KDM4C: variants seen among roughly 807,000 people sequenced by gnomAD.
The protein encoded by KDM4C is lysine-specific demethylase 4C.
In KDM4C, 81 loss-of-function variants were observed where a neutral mutation model predicts 129.3. The observed-to-expected ratio is 0.63, with a 90% CI of 0.52 to 0.75. KDM4C has a LOEUF of 0.75. Ranked by LOEUF, KDM4C falls within the 30% of genes least tolerant of loss-of-function variation. The probability of loss-of-function intolerance (pLI) is 0.00; values close to 1 mark genes in which losing one functional copy is unlikely to be tolerated. For missense variants in KDM4C, 1,457 were observed against 1,304.0 expected (o/e 1.12, Z -1.81); for synonymous variants, 573 against 456.1 (o/e 1.26, Z -3.26).
chr9:7,144,203 G>A (rs1037170319), intron 19 of KDM4C, among the ~76,000 whole-genome samples: 5 of 151,212 alleles, frequency 3.3e-5, no homozygotes, highest in Admixed American at 6.6e-5. Flanking sequence ...CGCTCACCTC[G>A]GCCTCCCAAA....
intron 1 of KDM4C, among the ~76,000 whole-genome samples, chr9:6,788,855 G>T (rs993465174): frequency 6.6e-6 from 1 of 152,184 alleles, no homozygotes; most frequent in Non-Finnish European, 1.5e-5. Flanking sequence ...TCAGGGGTGT[G>T]CAGGAGTTTG....
At chr9:6,860,820 T>C (rs1440458423) in intron 5 of KDM4C, among the ~76,000 whole-genome samples, 1 of 152,222 alleles carries the variant, frequency 6.6e-6, no homozygotes, top group Non-Finnish European at 1.5e-5. Flanking sequence ...ATTGTGTTTC[T>C]CTAGATTGAG....
intron 15 of KDM4C, among the ~76,000 whole-genome samples, chr9:7,023,730 A>T (rs1825288715): frequency 6.6e-6 from 1 of 151,762 alleles, no homozygotes; most frequent in Admixed American, 6.6e-5. Context: ...TAGGTTGTTT[A>T]TTTGAAGTTT....
At chr9:6,801,935 T>C (rs1420318542) in intron 2 of KDM4C, among the ~76,000 whole-genome samples, 1 of 151,744 alleles carries the variant, frequency 6.6e-6, no homozygotes, top group African/African-American at 2.4e-5. Context: ...TGAAACCCTG[T>C]CTCTACAAAA....
intron 19 of KDM4C, among the ~76,000 whole-genome samples, chr9:7,160,938 G>C (rs753771001): frequency 4.6e-5 from 7 of 152,188 alleles, no homozygotes; most frequent in Non-Finnish European, 7.3e-5. Context: ...TGCCCACAGA[G>C]CTGGAGTCTA....
intron 17 of KDM4C, among the ~76,000 whole-genome samples, chr9:7,075,289 A>G (rs1026761763): frequency 1.3e-5 from 2 of 152,088 alleles, no homozygotes; most frequent in African/African-American, 2.4e-5. Context: ...TTGAAGTTCA[A>G]CTGTCCTGTT....
Position 6,852,230 on chromosome 9 carries a change from G to A in KDM4C, c.629+2530G>A, listed in dbSNP as rs143789652. ...TTAGCAATCCTTATAATATATTTGAGGTGAGCTTTGAAAGATGTTAGAAGC... is the reference window on the plus strand; with the variant it reads ...TTAGCAATCCTTATAATATATTTGAAGTGAGCTTTGAAAGATGTTAGAAGC... On this transcript the variant is annotated intron_variant, in intron 5 of 21. Coordinates refer to ENST00000381309, the MANE Select transcript of KDM4C (RefSeq NM_015061.6). 2.0e-4 allele frequency among the ~76,000 whole-genome samples: 31 copies of A among 152,210 alleles called. No individual in the cohort carries two copies. The East Asian group carries it at 5.6e-3, about 27-fold the overall frequency.
intron 17 of KDM4C, among the ~76,000 whole-genome samples, chr9:7,059,476 G>T (rs1418096381): frequency 6.6e-6 from 1 of 152,174 alleles, no homozygotes; most frequent in African/African-American, 2.4e-5. Context: ...TGTTACAAAT[G>T]CCTGATAGAC....
At chr9:6,865,659 C>T (rs1214953975) in intron 5 of KDM4C, among the ~76,000 whole-genome samples, 2 of 152,194 alleles carry the variant, frequency 1.3e-5, no homozygotes, top group Non-Finnish European at 2.9e-5. Flanking sequence ...CTCCGCCTCC[C>T]AGTTTCAAGC....
intron 8 of KDM4C, among the ~76,000 whole-genome samples, chr9:6,977,673 G>C (rs779664837): frequency 2.0e-5 from 3 of 152,002 alleles, no homozygotes; most frequent in Non-Finnish European, 4.4e-5. Flanking sequence ...TCATCTGCTG[G>C]GCCTCCAGTT....
intron 5 of KDM4C, among the ~76,000 whole-genome samples, chr9:6,877,294 G>C (rs930229884): frequency 6.6e-6 from 1 of 152,192 alleles, no homozygotes; most frequent in Non-Finnish European, 1.5e-5. Flanking sequence ...TCCACCTCCT[G>C]GCTTCACGCC....
At chr9:6,747,575 C>A (rs1251853261) in intron 1 of KDM4C, among the ~76,000 whole-genome samples, 3 of 149,468 alleles carry the variant, frequency 2.0e-5, no homozygotes, top group African/African-American at 7.4e-5. Flanking sequence ...TAGAAATACA[C>A]ATTATCTTAG....
At chr9:7,096,049 GT>G (rs769304834) in intron 17 of KDM4C, among the ~76,000 whole-genome samples, 14 of 152,146 alleles carry the variant, frequency 9.2e-5, no homozygotes, top group Non-Finnish European at 1.9e-4. Flanking sequence ...AAGATGTTTG[GT>G]GGCACTTAAT....
chr9:6,903,268 TTTG>T (rs1157501303), intron 8 of KDM4C, among the ~76,000 whole-genome samples: 1 of 152,202 alleles, frequency 6.6e-6, no homozygotes, highest in Non-Finnish European at 1.5e-5. Flanking sequence ...AGATGACTGT[TTTG>T]TTGATTATTG....
At chr9:6,945,835 C>A (rs151145495) in intron 8 of KDM4C, among the ~76,000 whole-genome samples, 1 of 152,096 alleles carries the variant, frequency 6.6e-6, no homozygotes, top group African/African-American at 2.4e-5. Flanking sequence ...TTTGCTTAAA[C>A]TTTTCCTGGT....
At chr9:6,883,580 G>A (rs1020526983) in intron 6 of KDM4C, among the ~76,000 whole-genome samples, 6 of 152,114 alleles carry the variant, frequency 3.9e-5, no homozygotes, top group African/African-American at 9.7e-5. Context: ...TTTAGACATC[G>A]GGCAATAATA....
intron 17 of KDM4C, among the ~76,000 whole-genome samples, chr9:7,057,406 T>C (rs929276527): frequency 1.2e-4 from 19 of 152,248 alleles, no homozygotes; most frequent in African/African-American, 4.6e-4. Flanking sequence ...CACATAATTA[T>C]AAGAAGCCTC....
At chr9:6,985,018 C>T (rs1817441362) in intron 10 of KDM4C, among the ~76,000 whole-genome samples, 1 of 152,012 alleles carries the variant, frequency 6.6e-6, no homozygotes, top group Non-Finnish European at 1.5e-5. Context: ...TTCCTGTGTT[C>T]CTCTCATACT....
intron 16 of KDM4C, among the ~76,000 whole-genome samples, chr9:7,047,449 C>T (rs146116831): frequency 0.017 from 2,564 of 151,996 alleles, 31 homozygotes; most frequent in Middle Eastern, 0.041. Context: ...TGAAGAGAGT[C>T]TTGAAAGAGA....
Sources: allele counts gnomAD v4.1 joint callset (sites outside exome capture counted in the v4.1 genomes callset), GRCh38; gene constraint gnomAD v4.1.1; transcripts MANE v1.5; gene names NCBI Gene and HGNC (gene_info 2026-07-23, HGNC 2026-07-21).